The following UGT2A2 variants were observed in gnomAD, a reference collection of about 807,000 sequenced individuals.
The protein encoded by UGT2A2 is UDP glucuronosyltransferase family 2 member A2, also known as UDP-glucuronosyltransferase 2A2.
A neutral mutation model predicts 50.7 loss-of-function variants in UGT2A2; 60 were observed. The observed-to-expected ratio is 1.18, with a 90% CI of 0.96 to 1.47. UGT2A2 has a LOEUF of 1.47. Among genes scored for constraint, UGT2A2 ranks in the 40% most tolerant of loss-of-function variants. The pLI is 0.00. For missense variants in UGT2A2, 762 were observed against 634.0 expected (o/e 1.20, Z -2.17); for synonymous variants, 242 against 214.6 (o/e 1.13, Z -1.11).
chr4:69,610,764 A>G (rs1477195629), intron 1 of UGT2A2, among the ~76,000 whole-genome samples: 1 of 152,202 alleles, frequency 6.6e-6, no homozygotes, highest in Non-Finnish European at 1.5e-5. Context: ...TAAAAACTTC[A>G]AGAAAAAACA....
intron 1 of UGT2A2, among the ~76,000 whole-genome samples, chr4:69,629,394 T>A (rs1450313494): frequency 1.3e-5 from 2 of 152,004 alleles, no homozygotes; most frequent in East Asian, 3.9e-4. Flanking sequence ...AAGAGCTGAG[T>A]TCCAATCTTT....
intron 5 of UGT2A2, among the ~76,000 whole-genome samples, chr4:69,593,600 T>C (rs1247232491): frequency 6.6e-6 from 1 of 151,478 alleles, no homozygotes; most frequent in Non-Finnish European, 1.5e-5. Context: ...CATAACTCAA[T>C]ATATTTTATA....
At chr4:69,632,551 G>C (rs1161825724) in intron 1 of UGT2A2, among the ~76,000 whole-genome samples, 2 of 151,994 alleles carry the variant, frequency 1.3e-5, no homozygotes, top group African/African-American at 4.8e-5. Context: ...TCTTATGCAC[G>C]ACAATAGTAA....
At chr4:69,592,164 G>T (rs1261022972) in intron 5 of UGT2A2, among the ~76,000 whole-genome samples, 1 of 152,064 alleles carries the variant, frequency 6.6e-6, no homozygotes, top group East Asian at 1.9e-4. Flanking sequence ...CTTCCGTTAA[G>T]AAAAAGCACT....
chr4:69,589,782 G>T, intron 5 of UGT2A2, 131 bp from the exon 6 acceptor site: 3 of 1,325,894 alleles, frequency 2.3e-6, no homozygotes, highest in Non-Finnish European at 3.0e-6. Flanking sequence ...ATTCTTGCAT[G>T]AACTTTGTTA....
chr4:69,631,765 C>T (rs562271695), intron 1 of UGT2A2, among the ~76,000 whole-genome samples: 7 of 152,202 alleles, frequency 4.6e-5, no homozygotes, highest in Non-Finnish European at 8.8e-5. Context: ...TTGAAGACTA[C>T]GGACATATTA....
At chr4:69,636,592 T>C (rs1014175298) in intron 1 of UGT2A2, among the ~76,000 whole-genome samples, 1 of 152,164 alleles carries the variant, frequency 6.6e-6, no homozygotes, top group Admixed American at 6.5e-5. Context: ...TTCACACTTA[T>C]CTAATTTGTT....
intron 1 of UGT2A2, among the ~76,000 whole-genome samples, chr4:69,629,448 C>T (rs1316507223): frequency 6.6e-6 from 1 of 152,036 alleles, no homozygotes; most frequent in Non-Finnish European, 1.5e-5. Context: ...TATCTGAGGT[C>T]TTGGTCCACA....
intron 1 of UGT2A2, among the ~76,000 whole-genome samples, chr4:69,607,662 T>C (rs1326852447): frequency 1.3e-5 from 2 of 152,042 alleles, no homozygotes; most frequent in Non-Finnish European, 2.9e-5. Context: ...ATTTTTGCAA[T>C]CTACTCATCT....
At chr4:69,607,200 G>GGTACTGGTACCAAAACAGCATT (rs1719683017) in intron 1 of UGT2A2, among the ~76,000 whole-genome samples, 1 of 150,200 alleles carries the variant, frequency 6.7e-6, no homozygotes, top group Non-Finnish European at 1.5e-5. Flanking sequence ...AAAACAGCAT[G>GGTACTGGTACCAAAACAGCATT]GTACTGGTAC....
chr4:69,606,997 G>T lies in UGT2A2; in HGVS notation c.743-7603C>A, dbSNP rs1205866118. The stretch of plus-strand genomic sequence containing the variant: ...TCGAGAAAATGGCCATACTGCCCAA[G>T]GTCATTTATAGATTCAATGCCATCC... On this transcript the variant is annotated intron_variant, in intron 1 of 5. Coordinates refer to ENST00000604629, the MANE Select transcript of UGT2A2 (RefSeq NM_001105677.2). Among the ~76,000 whole-genome samples, 2 of 135,898 alleles carry T rather than the reference G, an allele frequency of 1.5e-5. 1 individual carries two copies. The highest frequency in any genetic ancestry group is 3.1e-5 in the Non-Finnish European group (2 of 64,042). 89.2% of individuals were successfully genotyped at this position (135,898 alleles called of 152,430 possible).
chr4:69,622,049 TA>T (rs1720786101), intron 1 of UGT2A2, among the ~76,000 whole-genome samples: 1 of 151,846 alleles, frequency 6.6e-6, no homozygotes, highest in African/African-American at 2.4e-5. Context: ...AAAATATAAC[TA>T]TTGAGTACTA....
rs1028091454 is a variant in UGT2A2 at position 69,603,452 on chromosome 4, C to A, written c.743-4058G>T. The A allele has an allele frequency of 3.7e-5, 5 of 136,726 alleles. 1 individual carries two copies. The highest frequency in any genetic ancestry group is 1.2e-4 in the African/African-American group (4 of 33,808). 8.5% of individuals were successfully genotyped at this position (136,726 alleles called of 1,614,324 possible). A position where few individuals can be genotyped will look rare whatever the true frequency, so the allele number is the denominator to read the frequency against. On this transcript the variant is annotated intron_variant, in intron 1 of 5. Coordinates refer to ENST00000604629, the MANE Select transcript of UGT2A2 (RefSeq NM_001105677.2). ...CATCAAAGACCAAAGGTAGATAAAA[C>A]CACAAAGATAGGGAAAAAACAGAGC... is the stretch of plus-strand genomic sequence containing the variant.
chr4:69,589,204 A>T lies in UGT2A2; in HGVS notation c.*168T>A. 1 of 881,422 alleles carries T rather than the reference A, an allele frequency of 1.1e-6. No homozygotes were observed. Among genetic ancestry groups the T allele is most frequent in the African/African-American group, 1.7e-5 (1 of 59,220 alleles). 54.6% of individuals were successfully genotyped at this position (881,422 alleles called of 1,614,324 possible). The stretch of plus-strand genomic sequence containing the variant: ...CTCACAAGTTAATAATAATCATGCC[A>T]AAATCTAGGCTTTATCAGTAGGCTT... On this transcript the variant is annotated 3_prime_UTR_variant, in exon 6 of 6. Coordinates refer to ENST00000604629, the MANE Select transcript of UGT2A2 (RefSeq NM_001105677.2).
chr4:69,615,834 A>G (rs543078228), intron 1 of UGT2A2, among the ~76,000 whole-genome samples: 6 of 151,824 alleles, frequency 4.0e-5, no homozygotes, highest in African/African-American at 1.4e-4. Context: ...TGCAGCCACT[A>G]TGGAGAAGAG....
chr4:69,592,627 CT>C (rs1410237480), intron 5 of UGT2A2, among the ~76,000 whole-genome samples: 2 of 151,934 alleles, frequency 1.3e-5, no homozygotes, highest in Non-Finnish European at 2.9e-5. Context: ...AATAAATTTA[CT>C]AATTTGTGAA....
chr4:69,605,675 G>C lies in UGT2A2; in HGVS notation c.743-6281C>G, dbSNP rs554937660. Among the ~76,000 whole-genome samples, 32 of 136,104 alleles carry C rather than the reference G, an allele frequency of 2.4e-4. 6 individuals are homozygous for C. The highest frequency in any genetic ancestry group is 9.5e-4 in the African/African-American group (32 of 33,556). The allele number at this position is 136,104 out of a possible 152,430, so 89.3% of individuals were successfully genotyped here. On this transcript the variant is annotated intron_variant, in intron 1 of 5. Transcript: ENST00000604629. ...GATCAACCAAACTGATAGACCACTAGCAAGACTAATAAAGAAGAAAAGAGA... is the reference window on the plus strand; with the variant it reads ...GATCAACCAAACTGATAGACCACTACCAAGACTAATAAAGAAGAAAAGAGA...
At chr4:69,636,754 A>G (rs1404728795) in intron 1 of UGT2A2, among the ~76,000 whole-genome samples, 1 of 152,142 alleles carries the variant, frequency 6.6e-6, no homozygotes, top group East Asian at 1.9e-4. Flanking sequence ...TGTAAATAAC[A>G]TTTAATATAA....
intron 2 of UGT2A2, among the ~76,000 whole-genome samples, 179 bp downstream of exon 2, chr4:69,599,067 T>A (rs1719100580): frequency 1.3e-5 from 2 of 152,150 alleles, no homozygotes; most frequent in Admixed American, 1.3e-4. Context: ...AAATTGTCAA[T>A]GTAAAGTTCA....
Sources: gnomAD v4.1 joint callset for allele counts (sites outside exome capture counted in the v4.1 genomes callset) on GRCh38, gnomAD v4.1.1 for gene constraint, MANE v1.5 for transcripts, NCBI Gene and HGNC (gene_info 2026-07-23, HGNC 2026-07-21) for gene names.